Variants in NSMCE2 observed in about 807,000 individuals in gnomAD.
The protein encoded by NSMCE2 is E3 SUMO-protein ligase NSE2.
In NSMCE2, 24 loss-of-function variants were observed where a neutral mutation model predicts 23.8. The observed-to-expected ratio is 1.01, with a 90% CI of 0.73 to 1.42. The LOEUF is 1.42. Among genes scored for constraint, NSMCE2 ranks in the 40% most tolerant of loss-of-function variants. The probability of loss-of-function intolerance (pLI) is 0.00; values close to 1 mark genes in which losing one functional copy is unlikely to be tolerated. For missense variants in NSMCE2, 284 were observed against 296.5 expected (o/e 0.96, Z 0.31); for synonymous variants, 92 against 94.1 (o/e 0.98, Z 0.13).
chr8:125,150,426 C>CTTTCT (rs1820936151), intron 3 of NSMCE2, among the ~76,000 whole-genome samples: 1 of 61,870 alleles, frequency 1.6e-5, no homozygotes, highest in Non-Finnish European at 2.8e-5. Flanking sequence ...TTCTTTCTTT[C>CTTTCT]TTTTTTTTTT....
chr8:125,125,649 T>A (rs887191852), intron 3 of NSMCE2, among the ~76,000 whole-genome samples: 8 of 152,096 alleles, frequency 5.3e-5, no homozygotes, highest in African/African-American at 1.7e-4. Flanking sequence ...GGAGAGGGTG[T>A]TTCTGAGGGT....
intron 5 of NSMCE2, among the ~76,000 whole-genome samples, chr8:125,244,983 A>AT (rs1825901382): frequency 1.3e-5 from 2 of 152,182 alleles, no homozygotes; most frequent in African/African-American, 4.8e-5. Flanking sequence ...ATTTTAAGGG[A>AT]TTTTAAACAT....
intron 5 of NSMCE2, 29 bp downstream of exon 5, chr8:125,182,285 G>A (rs1200826633): frequency 6.3e-7 from 1 of 1,576,290 alleles, no homozygotes; most frequent in East Asian, 2.3e-5. Context: ...CTTTGGTTCG[G>A]CTTTTTGAAA....
intron 4 of NSMCE2, among the ~76,000 whole-genome samples, chr8:125,171,930 G>A (rs1258945294): frequency 6.6e-6 from 1 of 152,206 alleles, no homozygotes; most frequent in East Asian, 1.9e-4. Flanking sequence ...ACTTGGCAGT[G>A]TGACCGAGGA....
chr8:125,210,013 A>G (rs549049703), intron 5 of NSMCE2, among the ~76,000 whole-genome samples: 4 of 152,310 alleles, frequency 2.6e-5, no homozygotes, highest in African/African-American at 9.6e-5. Context: ...TGTTCTTTCA[A>G]GGTCTCTACA....
intron 5 of NSMCE2, among the ~76,000 whole-genome samples, chr8:125,238,773 A>C: frequency 6.6e-6 from 1 of 152,200 alleles, no homozygotes; most frequent in East Asian, 1.9e-4. Context: ...AACCTTGAAA[A>C]GACTTATTTT....
At chr8:125,261,659 T>A (rs921446993) in intron 5 of NSMCE2, among the ~76,000 whole-genome samples, 6 of 151,938 alleles carry the variant, frequency 3.9e-5, no homozygotes, top group African/African-American at 1.4e-4. Flanking sequence ...TCCTTAAGAT[T>A]TCATAACCAA....
At position 125,313,202 on chromosome 8, in the gene NSMCE2, GAA is replaced by G. The variant is rs1829042032; in HGVS notation, c.419-44015_419-44014del. On this transcript the variant is annotated intron_variant, in intron 5 of 7. Transcript: ENST00000287437. ...AAGGAAGGAGAAAGAAAGAGAGAGA[GAA>G]AGAAAGAAAGAAAAGAAAGAAAAAG... Among the ~76,000 whole-genome samples, 3 of 119,700 alleles carry G rather than the reference GAA, an allele frequency of 2.5e-5. No individual in the cohort carries two copies. In the East Asian group the frequency reaches 7.5e-4, roughly 30 times the overall value. The allele number at this position is 119,700 out of a possible 152,430, so 78.5% of individuals were successfully genotyped here.
intron 5 of NSMCE2, among the ~76,000 whole-genome samples, chr8:125,242,587 A>ACCCTGCCTGGAAAGTAAACAGAGGG (rs1307142353): frequency 5.9e-5 from 9 of 152,022 alleles, no homozygotes; most frequent in Non-Finnish European, 1.0e-4. Flanking sequence ...GCTAAGGAGG[A>ACCCTGCCTGGAAAGTAAACAGAGGG]CCCTGCCTGG....
intron 4 of NSMCE2, among the ~76,000 whole-genome samples, chr8:125,154,983 GAATA>G (rs1346813894): frequency 6.6e-6 from 1 of 152,052 alleles, no homozygotes; most frequent in East Asian, 1.9e-4. Flanking sequence ...ATGAACATTT[GAATA>G]AATACTCAAA....
chr8:125,226,205 G>A (rs1825084896), intron 5 of NSMCE2, among the ~76,000 whole-genome samples: 1 of 152,170 alleles, frequency 6.6e-6, no homozygotes, highest in Non-Finnish European at 1.5e-5. Context: ...CTCCCAGAGG[G>A]CCTCATGACT....
chr8:125,215,584 A>G (rs1408401691), intron 5 of NSMCE2, among the ~76,000 whole-genome samples: 1 of 152,140 alleles, frequency 6.6e-6, no homozygotes, highest in Non-Finnish European at 1.5e-5. Context: ...GTCAAATGGT[A>G]TTTCTAGTTC....
chr8:125,174,291 C>T (rs1206365697), intron 4 of NSMCE2, among the ~76,000 whole-genome samples: 1 of 152,084 alleles, frequency 6.6e-6, no homozygotes, highest in Non-Finnish European at 1.5e-5. Context: ...ATGGTTCCCA[C>T]ATGTGGTAGA....
chr8:125,242,474 A>G (rs1825799449), intron 5 of NSMCE2, among the ~76,000 whole-genome samples: 1 of 152,074 alleles, frequency 6.6e-6, no homozygotes, highest in African/African-American at 2.4e-5. Flanking sequence ...TTAGTAGGAA[A>G]AAGTCTTTAT....
chr8:125,101,715 C>T (rs1423527495), intron 1 of NSMCE2, among the ~76,000 whole-genome samples: 2 of 152,176 alleles, frequency 1.3e-5, no homozygotes, highest in African/African-American at 2.4e-5. Context: ...AAGGTAATAA[C>T]TGAAACTGTT....
chr8:125,275,488 A>G (rs1225926526), intron 5 of NSMCE2, among the ~76,000 whole-genome samples: 2 of 152,074 alleles, frequency 1.3e-5, no homozygotes, highest in Admixed American at 1.3e-4. Flanking sequence ...TAGCCAACCA[A>G]ACCACTGAGT....
chr8:125,244,645 A>G (rs1825888690), intron 5 of NSMCE2, among the ~76,000 whole-genome samples: 1 of 152,200 alleles, frequency 6.6e-6, no homozygotes. Flanking sequence ...TTGGGGTGCT[A>G]CTGTTGAATT....
rs116496039 is a variant in NSMCE2, at chr8:125,204,382, T to G, written c.418+22126T>G. On this transcript the variant is annotated intron_variant, in intron 5 of 7. Transcript: ENST00000287437. ...CCTTCCTTATAGAAGGTACTTCCTT[T>G]CTCTTTCCCGAGAGGACACTATACT... 3.2e-3 allele frequency among the ~76,000 whole-genome samples: 487 copies of G among 152,302 alleles called. 1 individual carries two copies. Among genetic ancestry groups the G allele is most frequent in the African/African-American group, 0.011 (458 of 41,564 alleles).
chr8:125,320,271 A>AG (rs1188072843), intron 5 of NSMCE2, among the ~76,000 whole-genome samples: 1 of 74,288 alleles, frequency 1.3e-5, no homozygotes, highest in Admixed American at 1.5e-4. Flanking sequence ...GAAGGAAGGA[A>AG]GGAAGGAAGG....
Sources: allele counts gnomAD v4.1 joint callset (sites outside exome capture counted in the v4.1 genomes callset), GRCh38; gene constraint gnomAD v4.1.1; transcripts MANE v1.5; gene names NCBI Gene and HGNC (gene_info 2026-07-23, HGNC 2026-07-21).